AUTS2: variants seen among roughly 807,000 people sequenced by gnomAD.
AUTS2 encodes activator of transcription and developmental regulator AUTS2, also known as autism susceptibility gene 2 protein.
AUTS2 carries 17 observed loss-of-function variants against 112.4 expected under a neutral mutation model. The ratio of observed to expected loss-of-function variants is 0.15; its 90% CI spans 0.10 to 0.23. The LOEUF is 0.23. Ranked by LOEUF, AUTS2 falls within the 10% of genes least tolerant of loss-of-function variation. The pLI is 1.00. For missense variants in AUTS2, 1,510 were observed against 1,701.6 expected, an observed-to-expected ratio of 0.89 and a Z score of 1.98; for synonymous variants, 751 against 702.7, an observed-to-expected ratio of 1.07 and a Z score of -1.09.
intron 4 of AUTS2, among the ~76,000 whole-genome samples, chr7:70,344,051 T>C (rs1791388327): frequency 6.6e-6 from 1 of 152,072 alleles, no homozygotes; most frequent in South Asian, 2.1e-4. Context: ...AAGGGGGCAC[T>C]CACTTTGAGG....
At chr7:70,040,261 C>A (rs1031588356) in intron 2 of AUTS2, among the ~76,000 whole-genome samples, 3 of 152,054 alleles carry the variant, frequency 2.0e-5, no homozygotes, top group Non-Finnish European at 4.4e-5. Context: ...ATGTACCAGT[C>A]CTGTGGGGAA....
At chr7:69,905,822 A>G (rs1469747410) in intron 2 of AUTS2, among the ~76,000 whole-genome samples, 1 of 152,210 alleles carries the variant, frequency 6.6e-6, no homozygotes, top group African/African-American at 2.4e-5. Context: ...ACCTCATAAA[A>G]TAAAACCTGC....
chr7:70,765,092 G>A, intron 8 of AUTS2, 87 bp downstream of exon 8: 2 of 1,512,474 alleles, frequency 1.3e-6, no homozygotes, highest in Non-Finnish European at 8.9e-7. Context: ...CCGATTGCAA[G>A]GTTGCATTTG....
At chr7:70,652,642 C>A (rs1286438166) in intron 5 of AUTS2, among the ~76,000 whole-genome samples, 1 of 152,104 alleles carries the variant, frequency 6.6e-6, no homozygotes, top group African/African-American at 2.4e-5. Flanking sequence ...CTCAGCTACT[C>A]GAGAGGCTGA....
At chr7:69,741,302 C>T (rs73170864) in intron 1 of AUTS2, among the ~76,000 whole-genome samples, 11,637 of 152,222 alleles carry the variant, frequency 0.076, 604 homozygotes, top group African/African-American at 0.14. Context: ...CAGCTCATTC[C>T]TTCTTATTCA....
intron 4 of AUTS2, among the ~76,000 whole-genome samples, chr7:70,153,552 C>G (rs999235933): frequency 6.6e-6 from 1 of 152,050 alleles, no homozygotes; most frequent in African/African-American, 2.4e-5. Context: ...CAAATTTTAT[C>G]CTTTAAATAT....
At chr7:70,628,827 C>T (rs1486545981) in intron 5 of AUTS2, among the ~76,000 whole-genome samples, 6 of 152,144 alleles carry the variant, frequency 3.9e-5, no homozygotes, top group African/African-American at 1.2e-4. Context: ...GGTAAACGGG[C>T]AGGAGACCTC....
rs548712794 is a variant in AUTS2, at chr7:70,548,081, G to T, written c.690+112300G>T. On this transcript the variant is annotated intron_variant, in intron 5 of 18. Coordinates refer to ENST00000342771, the MANE Select transcript of AUTS2 (RefSeq NM_015570.4). The stretch of plus-strand genomic sequence containing the variant: ...TCCAACTTTGTTCTTTTTCAAGATT[G>T]TTTTGGCTTTGTTTCCTTTGCATTT... 2.6e-5 allele frequency among the ~76,000 whole-genome samples: 4 copies of T among 152,254 alleles called. 1 individual carries two copies. In the South Asian group the frequency reaches 8.3e-4, roughly 32 times the overall value.
intron 1 of AUTS2, among the ~76,000 whole-genome samples, chr7:69,846,441 A>G (rs1792204461): frequency 6.6e-6 from 1 of 152,152 alleles, no homozygotes. Context: ...TCTTTAATAT[A>G]TGCCTGGCAT....
chr7:70,568,182 A>C (rs1489767268), intron 5 of AUTS2, among the ~76,000 whole-genome samples: 1 of 152,154 alleles, frequency 6.6e-6, no homozygotes, highest in Non-Finnish European at 1.5e-5. Flanking sequence ...TTCACTTTCT[A>C]ATATAGTGTC....
chr7:69,712,715 T>C lies in AUTS2; in HGVS notation c.309+112753T>C, dbSNP rs2129203363. On this transcript the variant is annotated intron_variant, in intron 1 of 18. Transcript: ENST00000342771. ...ACAAGTCTTCGTATGGGTATCTACT[T>C]TTGTTTCTCTTGGGTGATTATGTAG... Among the ~76,000 whole-genome samples the C allele has an allele frequency of 2.0e-5, 3 of 152,282 alleles. 1 individual carries two copies. The Middle Eastern group carries it at 0.01, about 518-fold the overall frequency.
At chr7:70,394,158 A>G (rs558088619) in intron 4 of AUTS2, among the ~76,000 whole-genome samples, 89 of 152,300 alleles carry the variant, frequency 5.8e-4, no homozygotes, top group Middle Eastern at 3.4e-3. Flanking sequence ...TTCATATGCT[A>G]TCAATTAGTA....
At chr7:70,085,913 T>G (rs1803573588) in intron 2 of AUTS2, among the ~76,000 whole-genome samples, 1 of 143,458 alleles carries the variant, frequency 7.0e-6, no homozygotes, top group Admixed American at 6.9e-5. Flanking sequence ...TTCTATTTCT[T>G]AAGGGTTGTA....
intron 5 of AUTS2, among the ~76,000 whole-genome samples, chr7:70,444,343 C>CGTGTGTGTGT (rs370735846): frequency 0.013 from 1,787 of 138,694 alleles, 20 homozygotes; most frequent in Non-Finnish European, 0.02. Context: ...TGGTCATGTA[C>CGTGTGTGTGT]GTGTGTGTGT....
intron 4 of AUTS2, among the ~76,000 whole-genome samples, chr7:70,361,046 A>G (rs1408874297): frequency 6.6e-6 from 1 of 152,180 alleles, no homozygotes; most frequent in African/African-American, 2.4e-5. Context: ...CCAGCCTCCC[A>G]TATAAAAATC....
intron 2 of AUTS2, among the ~76,000 whole-genome samples, chr7:69,984,222 G>A (rs971395727): frequency 1.4e-4 from 21 of 151,796 alleles, no homozygotes; most frequent in South Asian, 2.1e-4. Flanking sequence ...TCGAGACCAC[G>A]GTGAAACCCC....
chr7:70,024,170 T>C (rs185685479), intron 2 of AUTS2, among the ~76,000 whole-genome samples: 84 of 152,340 alleles, frequency 5.5e-4, no homozygotes, highest in African/African-American at 1.9e-3. Flanking sequence ...TAAGTTTATT[T>C]TAATGACAAA....
chr7:70,329,697 T>G (rs1428500230), intron 4 of AUTS2, among the ~76,000 whole-genome samples: 1 of 151,226 alleles, frequency 6.6e-6, no homozygotes, highest in Non-Finnish European at 1.5e-5. Context: ...TGCAAATATT[T>G]TCACTCTCTA....
intron 4 of AUTS2, among the ~76,000 whole-genome samples, chr7:70,409,147 A>C (rs1794669861): frequency 6.6e-6 from 1 of 152,172 alleles, no homozygotes; most frequent in African/African-American, 2.4e-5. Context: ...AACGGTACCA[A>C]AGAAAATGTC....
Sources: allele counts gnomAD v4.1 joint callset (sites outside exome capture counted in the v4.1 genomes callset), GRCh38; gene constraint gnomAD v4.1.1; transcripts MANE v1.5; gene names NCBI Gene and HGNC (gene_info 2026-07-23, HGNC 2026-07-21).